FAM78B: variants seen among roughly 807,000 people sequenced by gnomAD.
FAM78B encodes protein FAM78B.
In FAM78B, 10 loss-of-function variants were observed where a neutral mutation model predicts 20.0. The observed-to-expected ratio is 0.50, with a 90% CI of 0.31 to 0.85. The LOEUF (loss-of-function observed/expected upper bound fraction) is 0.85, where lower values mean the gene tolerates loss of function less well. FAM78B is among the 40% of genes least tolerant of loss of function. The pLI, the probability that FAM78B is intolerant of heterozygous loss-of-function variation, is 0.05. For missense variants in FAM78B, 283 were observed against 345.0 expected (o/e 0.82, Z 1.42); for synonymous variants, 135 against 132.8 (o/e 1.02, Z -0.12).
At chr1:166,132,065 T>A (rs547296163) in intron 1 of FAM78B, among the ~76,000 whole-genome samples, 2 of 152,310 alleles carry the variant, frequency 1.3e-5, no homozygotes, top group Non-Finnish European at 2.9e-5. Flanking sequence ...TCTCCAATTT[T>A]AAAAACTTGT....
chr1:166,145,402 G>A (rs77990485), intron 1 of FAM78B, among the ~76,000 whole-genome samples: 4,049 of 152,308 alleles, frequency 0.027, 229 homozygotes, highest in Admixed American at 0.13. Flanking sequence ...AGGGCATCCT[G>A]TAGGTTGGCA....
chr1:166,108,001 A>G (rs1653854431), intron 1 of FAM78B, among the ~76,000 whole-genome samples: 1 of 152,222 alleles, frequency 6.6e-6, no homozygotes, highest in Non-Finnish European at 1.5e-5. Context: ...CCTTAATGTA[A>G]TAAAAACCAT....
intron 1 of FAM78B, among the ~76,000 whole-genome samples, chr1:166,149,096 A>G (rs1338564929): frequency 6.6e-6 from 1 of 152,154 alleles, no homozygotes; most frequent in African/African-American, 2.4e-5. Flanking sequence ...ATAATGCCGC[A>G]ATAAACATAC....
intron 1 of FAM78B, among the ~76,000 whole-genome samples, chr1:166,105,577 T>C (rs538061523): frequency 8.9e-4 from 136 of 152,300 alleles, no homozygotes; most frequent in African/African-American, 3.2e-3. Context: ...AAAGAAGACA[T>C]GTATGCAGCC....
intron 1 of FAM78B, among the ~76,000 whole-genome samples, chr1:166,102,750 A>G: frequency 6.6e-6 from 1 of 152,160 alleles, no homozygotes; most frequent in Non-Finnish European, 1.5e-5. Context: ...CTCCCACACA[A>G]TAATAACGGG....
chr1:166,110,709 T>A (rs1022315864), intron 1 of FAM78B, among the ~76,000 whole-genome samples: 1 of 152,024 alleles, frequency 6.6e-6, no homozygotes, highest in South Asian at 2.1e-4. Flanking sequence ...TTTTAGAGAG[T>A]AGAGCCTATG....
At chr1:166,077,623 T>A (rs1483703448) in intron 1 of FAM78B, among the ~76,000 whole-genome samples, 1 of 141,694 alleles carries the variant, frequency 7.1e-6, no homozygotes, top group African/African-American at 2.6e-5. Flanking sequence ...AAATTATATA[T>A]AATACATATA....
At chr1:166,061,161 G>A (rs1249247045) in intron 2 of FAM78B, among the ~76,000 whole-genome samples, 1 of 152,190 alleles carries the variant, frequency 6.6e-6, no homozygotes, top group African/African-American at 2.4e-5. Flanking sequence ...TCTTGAATAT[G>A]CAACATTAGA....
At chr1:166,156,547 G>A (rs1655902771) in intron 1 of FAM78B, among the ~76,000 whole-genome samples, 1 of 152,136 alleles carries the variant, frequency 6.6e-6, no homozygotes, top group South Asian at 2.1e-4. Flanking sequence ...ATCTCCTTAG[G>A]CCTCAGCTTG....
chr1:166,123,012 G>A (rs746853374), intron 1 of FAM78B, among the ~76,000 whole-genome samples: 18 of 152,020 alleles, frequency 1.2e-4, no homozygotes, highest in Admixed American at 2.6e-4. Context: ...TTCAATCAGG[G>A]GCTACTCTAA....
chr1:166,129,803 C>G lies in FAM78B; in HGVS notation c.263+36183G>C, dbSNP rs147994467. Among the ~76,000 whole-genome samples the G allele has an allele frequency of 9.9e-4, 151 of 152,020 alleles. 2 individuals are homozygous for G. The highest frequency in any genetic ancestry group is 3.5e-3 in the African/African-American group (143 of 41,262). ...TCACTCTATTCAGGTCCCCAAGCCA[C>G]CTTGTGCTGGCCTCTCCTTACTCTA... On this transcript the variant is annotated intron_variant, in intron 1 of 1. Coordinates refer to ENST00000354422, the MANE Select transcript of FAM78B (RefSeq NM_001017961.5).
chr1:166,110,124 T>C (rs73041236), intron 1 of FAM78B, among the ~76,000 whole-genome samples: 168 of 149,636 alleles, frequency 1.1e-3, no homozygotes, highest in African/African-American at 3.8e-3. Flanking sequence ...TGGGGGGAAG[T>C]AGAGGAGAGA....
chr1:166,065,412 G>T (rs1480327191), downstream of FAM78B, among the ~76,000 whole-genome samples: 2 of 152,162 alleles, frequency 1.3e-5, no homozygotes, highest in Non-Finnish European at 2.9e-5. Context: ...TATGTAAACT[G>T]TAACATACTA....
At chr1:166,122,130 A>G (rs1654484271) in intron 1 of FAM78B, among the ~76,000 whole-genome samples, 1 of 152,198 alleles carries the variant, frequency 6.6e-6, no homozygotes, top group South Asian at 2.1e-4. Flanking sequence ...GTGAGTCAGG[A>G]GATGGCTTTT....
intron 1 of FAM78B, among the ~76,000 whole-genome samples, chr1:166,131,659 G>A (rs142889759): frequency 4.6e-5 from 7 of 152,202 alleles, no homozygotes; most frequent in African/African-American, 1.7e-4. Flanking sequence ...GAAGAAGACT[G>A]GGGAGAACTA....
chr1:166,074,480 T>C (rs1273272677), intron 1 of FAM78B, among the ~76,000 whole-genome samples: 3 of 152,248 alleles, frequency 2.0e-5, no homozygotes, highest in Non-Finnish European at 4.4e-5. Context: ...CTTGGAATTA[T>C]GACTTATTTT....
At chr1:166,165,201 A>G (rs1656316343) in intron 1 of FAM78B, 1 of 152,210 alleles carries the variant, frequency 6.6e-6, no homozygotes, top group African/African-American at 2.4e-5. Context: ...CAGTGCCGCA[A>G]TTAGGAAAGT....
intron 1 of FAM78B, among the ~76,000 whole-genome samples, chr1:166,109,920 A>ATATATATATATATAT (rs1653984580): frequency 2.8e-5 from 3 of 108,360 alleles, no homozygotes; most frequent in Non-Finnish European, 5.9e-5. Context: ...ATATATATAT[A>ATATATATATATATAT]ATGGAATACT....
intron 1 of FAM78B, among the ~76,000 whole-genome samples, chr1:166,078,464 T>C (rs1184126548): frequency 6.6e-6 from 1 of 152,242 alleles, no homozygotes; most frequent in African/African-American, 2.4e-5. Flanking sequence ...ATGGGCCTAA[T>C]AATGAAAACA....
Sources: allele counts gnomAD v4.1 joint callset (sites outside exome capture counted in the v4.1 genomes callset), GRCh38; gene constraint gnomAD v4.1.1; transcripts MANE v1.5; gene names NCBI Gene and HGNC (gene_info 2026-07-23, HGNC 2026-07-21).